RNF152: variants seen among roughly 807,000 people sequenced by gnomAD.
The protein encoded by RNF152 is ring finger protein 152.
A neutral mutation model predicts 12.7 loss-of-function variants in RNF152; 11 were observed. The ratio of observed to expected loss-of-function variants is 0.86; its 90% CI spans 0.54 to 1.43. The LOEUF is 1.43. Among genes scored for constraint, RNF152 ranks in the 40% most tolerant of loss-of-function variants. RNF152 has a pLI of 0.00. For synonymous variants in RNF152, 113 were observed against 120.3 expected (o/e 0.94, Z 0.40); for missense variants, 255 against 274.8 (o/e 0.93, Z 0.51).
chr18:61,857,700 A>G (rs1387896077), intron 1 of RNF152, among the ~76,000 whole-genome samples: 1 of 152,106 alleles, frequency 6.6e-6, no homozygotes, highest in Non-Finnish European at 1.5e-5. Context: ...TCATTAAACA[A>G]ACAAACAAAC....
chr18:61,891,451 C>T (rs1912957823), intron 1 of RNF152, among the ~76,000 whole-genome samples: 1 of 152,152 alleles, frequency 6.6e-6, no homozygotes, highest in Admixed American at 6.5e-5. Context: ...AAAAACCACA[C>T]CCTTGTTTCT....
intron 1 of RNF152, among the ~76,000 whole-genome samples, chr18:61,848,171 C>G (rs1473504964): frequency 6.6e-6 from 1 of 152,136 alleles, no homozygotes; most frequent in African/African-American, 2.4e-5. Flanking sequence ...CTGGGCTCCT[C>G]TCACATCAGC....
At chr18:61,852,491 G>A (rs1375698738) in intron 1 of RNF152, among the ~76,000 whole-genome samples, 1 of 152,210 alleles carries the variant, frequency 6.6e-6, no homozygotes, top group Non-Finnish European at 1.5e-5. Flanking sequence ...ATCATTGAAA[G>A]ATGTAAGACA....
intron 1 of RNF152, among the ~76,000 whole-genome samples, chr18:61,866,262 C>T (rs765419473): frequency 6.6e-6 from 1 of 152,140 alleles, no homozygotes; most frequent in Non-Finnish European, 1.5e-5. Flanking sequence ...GAGTCGGGCC[C>T]AGGTAGCCCC....
At chr18:61,856,307 T>C (rs1223484105) in intron 1 of RNF152, among the ~76,000 whole-genome samples, 2 of 152,160 alleles carry the variant, frequency 1.3e-5, no homozygotes, top group East Asian at 3.9e-4. Flanking sequence ...AAATACACGA[T>C]GGGTTCCTGT....
intron 1 of RNF152, among the ~76,000 whole-genome samples, chr18:61,836,720 C>A (rs1381349389): frequency 7.1e-6 from 1 of 139,940 alleles, no homozygotes. Context: ...TTATAAGACA[C>A]TGAATTTAAA....
At chr18:61,818,659 C>A (rs1018470723) in intron 1 of RNF152, among the ~76,000 whole-genome samples, 3 of 152,198 alleles carry the variant, frequency 2.0e-5, no homozygotes, top group Non-Finnish European at 4.4e-5. Flanking sequence ...TATGGAATAT[C>A]TATTATGCAC....
At chr18:61,879,747 T>C (rs1259938753) in intron 1 of RNF152, among the ~76,000 whole-genome samples, 1 of 152,032 alleles carries the variant, frequency 6.6e-6, no homozygotes, top group African/African-American at 2.4e-5. Flanking sequence ...GCGAATCACC[T>C]GAGGTCAGGA....
chr18:61,861,565 T>C lies in RNF152; in HGVS notation c.-136+31230A>G, dbSNP rs555734967. Reference sequence around the variant, plus strand: ...TCATCAAGTGAGGCATGACTGTACATGTTACGCTTAGTGTCTTAGTCCATT... The same window carrying C: ...TCATCAAGTGAGGCATGACTGTACACGTTACGCTTAGTGTCTTAGTCCATT... On this transcript the variant is annotated intron_variant, in intron 1 of 1. Transcript: ENST00000312828. Among the ~76,000 whole-genome samples, 138 of 152,302 alleles carry C rather than the reference T, an allele frequency of 9.1e-4. 2 individuals are homozygous for C. In the South Asian group the frequency reaches 0.028, roughly 31 times the overall value.
rs1909046581 is a variant in RNF152, at chr18:61,815,920, G to A, written c.544C>T (p.Leu182Phe). ...ATGTTGTGAAGCACGATGCCGAGGAGGAAGACCAAGACGCAAGCCACCAAG... is the reference window on the plus strand; with the variant it reads ...ATGTTGTGAAGCACGATGCCGAGGAAGAAGACCAAGACGCAAGCCACCAAG... ...VILVACVLVF[L>F]LGIVLHNMSC... Residue 182 changes from leucine (L) to phenylalanine (F), a missense_variant, in exon 2 of 2, where the codon CTC (leucine) becomes TTC (phenylalanine). Physicochemically the swap from Leu to Phe is conservative, Grantham distance 22 (BLOSUM62 0). Coordinates refer to ENST00000312828, the MANE Select transcript of RNF152 (RefSeq NM_173557.3). 1.9e-6 allele frequency: 3 copies of A among 1,614,092 alleles called. No homozygotes were observed. Among genetic ancestry groups the A allele is most frequent in the South Asian group, 2.2e-5 (2 of 91,082 alleles).
At chr18:61,860,467 A>G (rs577051717) in intron 1 of RNF152, among the ~76,000 whole-genome samples, 102 of 152,254 alleles carry the variant, frequency 6.7e-4, no homozygotes, top group Non-Finnish European at 1.3e-3. Context: ...CTGGTGATAC[A>G]GCCATCAGAG....
chr18:61,834,909 A>T (rs574406843), intron 1 of RNF152, among the ~76,000 whole-genome samples: 1 of 152,330 alleles, frequency 6.6e-6, no homozygotes, highest in East Asian at 1.9e-4. Flanking sequence ...TGAAAACCTG[A>T]TAAATCAGCG....
At chr18:61,823,975 C>A (rs1384685368) in intron 1 of RNF152, among the ~76,000 whole-genome samples, 1 of 152,228 alleles carries the variant, frequency 6.6e-6, no homozygotes, top group Non-Finnish European at 1.5e-5. Context: ...ACCATGGTCA[C>A]CAGAGAGGTA....
chr18:61,834,807 TAAAAGA>T (rs1490916971), intron 1 of RNF152, among the ~76,000 whole-genome samples: 1 of 152,162 alleles, frequency 6.6e-6, no homozygotes, highest in Non-Finnish European at 1.5e-5. Context: ...GTAAGTTACT[TAAAAGA>T]AAGAGTTACT....
In RNF152 at chr18:61,809,734, T is replaced by C. The variant is rs560880475; in HGVS notation, c.*6118A>G. On this transcript the variant is annotated 3_prime_UTR_variant, in exon 2 of 2. Coordinates refer to ENST00000312828, the MANE Select transcript of RNF152 (RefSeq NM_173557.3). ...CTGATTGTCCCTAAAAATATCATAG[T>C]ATGAATAATATAAAAAACCTTAGAT... The C allele has an allele frequency of 2.6e-5, 4 of 151,658 alleles. No homozygotes were observed. In the South Asian group the frequency reaches 6.2e-4, roughly 24 times the overall value. 9.4% of individuals were successfully genotyped at this position (151,658 alleles called of 1,614,324 possible). A position where few individuals can be genotyped will look rare whatever the true frequency, so the allele number is the denominator to read the frequency against.
chr18:61,853,086 C>G (rs1223036129), intron 1 of RNF152, among the ~76,000 whole-genome samples: 1 of 152,188 alleles, frequency 6.6e-6, no homozygotes, highest in Non-Finnish European at 1.5e-5. Flanking sequence ...TCACATTTAA[C>G]TACTACAAGA....
Position 61,870,973 on chromosome 18 carries a change from C to T in RNF152, c.-136+21822G>A, listed in dbSNP as rs142648764. ...TATTCCCTCCATCAGACATCCCCGA[C>T]CCCATCCTGATAATGGCACCCCAAG... On this transcript the variant is annotated intron_variant, in intron 1 of 1. Coordinates refer to ENST00000312828, the MANE Select transcript of RNF152 (RefSeq NM_173557.3). 7.9e-3 allele frequency among the ~76,000 whole-genome samples: 1,207 copies of T among 152,288 alleles called. 18 individuals carry two copies. Among genetic ancestry groups the T allele is most frequent in the African/African-American group, 0.028 (1,162 of 41,564 alleles).
intron 1 of RNF152, among the ~76,000 whole-genome samples, chr18:61,844,206 G>A (rs1910643750): frequency 6.9e-6 from 1 of 144,028 alleles, no homozygotes; most frequent in African/African-American, 2.5e-5. Context: ...AAGGAGGGAG[G>A]GAAGGAGGGA....
At chr18:61,886,700 A>G (rs1912715827) in intron 1 of RNF152, among the ~76,000 whole-genome samples, 1 of 152,204 alleles carries the variant, frequency 6.6e-6, no homozygotes. Context: ...TGATGACAAG[A>G]CATCCTGGGA....
Sources: allele counts gnomAD v4.1 joint callset (sites outside exome capture counted in the v4.1 genomes callset), GRCh38; gene constraint gnomAD v4.1.1; transcripts MANE v1.5; gene names NCBI Gene and HGNC (gene_info 2026-07-23, HGNC 2026-07-21).